KCNMA1: variants seen among roughly 807,000 people sequenced by gnomAD.
KCNMA1 encodes Calcium-activated potassium channel subunit alpha-1.
A neutral mutation model predicts 140.0 loss-of-function variants in KCNMA1; 29 were observed. The observed-to-expected ratio is 0.21, with a 90% CI of 0.15 to 0.28. The LOEUF (loss-of-function observed/expected upper bound fraction) is 0.28. Ranked by LOEUF, KCNMA1 falls within the 10% of genes least tolerant of loss-of-function variation. KCNMA1 has a pLI of 1.00. For synonymous variants in KCNMA1, 612 were observed against 611.9 expected, an observed-to-expected ratio of 1.00 and a Z score of 0.00; for missense variants, 880 against 1,602.2, an observed-to-expected ratio of 0.55 and a Z score of 7.70.
intron 22 of KCNMA1, 65 bp from the exon 23 acceptor site, chr10:76,945,030 A>G: frequency 3.1e-6 from 4 of 1,271,066 alleles, no homozygotes; most frequent in Non-Finnish European, 3.4e-6. Flanking sequence ...AGAGAGAGAG[A>G]GGAGCAAAAG....
chr10:77,439,087 A>AAAGAGAAGAGAAGAG (rs55994326), intron 1 of KCNMA1, among the ~76,000 whole-genome samples: 5,357 of 124,854 alleles, frequency 0.043, 196 homozygotes, highest in East Asian at 0.062. Flanking sequence ...AAAGAAAAGA[A>AAAGAGAAGAGAAGAG]AAGAGAAGAG....
Position 77,419,292 on chromosome 10 carries a change from T to C in KCNMA1, c.379-15269A>G, listed in dbSNP as rs142596558. On this transcript the variant is annotated intron_variant, in intron 1 of 27. Coordinates refer to ENST00000286628, the MANE Select transcript of KCNMA1 (RefSeq NM_001161352.2). ...GCCAGAGCGCTGCAGGCATCAACTTTGCTGGCGTCTTGGAAAGACGCCCCA... is the reference window on the plus strand; with the variant it reads ...GCCAGAGCGCTGCAGGCATCAACTTCGCTGGCGTCTTGGAAAGACGCCCCA... Among the ~76,000 whole-genome samples the C allele has an allele frequency of 4.6e-3, 699 of 152,310 alleles. 3 individuals carry two copies. Among genetic ancestry groups the C allele is most frequent in the Non-Finnish European group, 5.7e-3 (389 of 68,016 alleles).
chr10:77,600,949 AAC>A (rs1278679600), intron 1 of KCNMA1, among the ~76,000 whole-genome samples: 1 of 152,172 alleles, frequency 6.6e-6, no homozygotes, highest in Non-Finnish European at 1.5e-5. Flanking sequence ...CAAACTGCCT[AAC>A]ACAGTGACAG....
At chr10:76,916,516 G>T (rs1193251820) in intron 23 of KCNMA1, among the ~76,000 whole-genome samples, 1 of 152,176 alleles carries the variant, frequency 6.6e-6, no homozygotes, top group Non-Finnish European at 1.5e-5. Context: ...CCACGCAAGT[G>T]GCAAGACCCA....
At chr10:77,600,209 T>G (rs1030156987) in intron 1 of KCNMA1, among the ~76,000 whole-genome samples, 1 of 152,114 alleles carries the variant, frequency 6.6e-6, no homozygotes, top group East Asian at 1.9e-4. Flanking sequence ...CTACCAAAGA[T>G]GAGAATGTCC....
At chr10:77,543,035 CTCTCTCTTTCTCTCTCTCTCATT>C (rs1233399551) in intron 1 of KCNMA1, among the ~76,000 whole-genome samples, 2 of 144,102 alleles carry the variant, frequency 1.4e-5, no homozygotes, top group East Asian at 3.9e-4. Context: ...CTCTCATTCT[CTCTCTCTTTCTCTCTCTCTCATT>C]CTCTCTCTCT....
intron 23 of KCNMA1, among the ~76,000 whole-genome samples, chr10:76,920,020 GTATATATATATATATA>G (rs1169838049): frequency 2.9e-5 from 1 of 34,432 alleles, no homozygotes; most frequent in African/African-American, 1.1e-4. Flanking sequence ...GTGTGTGTGT[GTATATATATATATATA>G]TATATATATA....
intron 6 of KCNMA1, among the ~76,000 whole-genome samples, chr10:77,114,285 C>T (rs890091462): frequency 6.6e-6 from 1 of 152,170 alleles, no homozygotes; most frequent in African/African-American, 2.4e-5. Flanking sequence ...TCCAGGAGCC[C>T]TGGGTCCCTG....
At chr10:77,603,037 A>G (rs1378740913) in intron 1 of KCNMA1, among the ~76,000 whole-genome samples, 2 of 152,152 alleles carry the variant, frequency 1.3e-5, no homozygotes, top group African/African-American at 2.4e-5. Flanking sequence ...ACCATCGTCT[A>G]TGTTCCTCTG....
chr10:77,136,838 C>G (rs893613871), intron 5 of KCNMA1, among the ~76,000 whole-genome samples: 1 of 152,058 alleles, frequency 6.6e-6, no homozygotes, highest in African/African-American at 2.4e-5. Context: ...AAGTCAGTGG[C>G]AAGTCAGGAC....
chr10:77,039,472 AG>A (rs1376349613), intron 15 of KCNMA1, 55 bp downstream of exon 15: 1 of 1,021,184 alleles, frequency 9.8e-7, no homozygotes, highest in Non-Finnish European at 1.6e-6. Flanking sequence ...CTTCCTTGCA[AG>A]GGGCACATTC....
At chr10:77,298,983 G>A (rs1004590763) in intron 2 of KCNMA1, among the ~76,000 whole-genome samples, 1 of 152,222 alleles carries the variant, frequency 6.6e-6, no homozygotes, top group African/African-American at 2.4e-5. Flanking sequence ...TAATAAATAT[G>A]TCTTTTGAAC....
At chr10:77,593,053 T>C (rs1167965095) in intron 1 of KCNMA1, among the ~76,000 whole-genome samples, 4 of 152,232 alleles carry the variant, frequency 2.6e-5, no homozygotes, top group Non-Finnish European at 5.9e-5. Context: ...CTTCTCAGCA[T>C]GTGAGCTTCT....
chr10:76,961,146 G>A (rs1469953896), intron 20 of KCNMA1, among the ~76,000 whole-genome samples: 2 of 150,664 alleles, frequency 1.3e-5, no homozygotes, highest in Admixed American at 6.7e-5. Context: ...AAAAAGAATC[G>A]CCATTCTAGA....
chr10:77,568,599 C>T lies in KCNMA1; in HGVS notation c.378+68666G>A, dbSNP rs1266239152. Among the ~76,000 whole-genome samples, 273 of 151,162 alleles carry T rather than the reference C, an allele frequency of 1.8e-3. 2 individuals carry two copies. The South Asian group carries it at 0.026, about 14-fold the overall frequency. On this transcript the variant is annotated intron_variant, in intron 1 of 27. Coordinates refer to ENST00000286628, the MANE Select transcript of KCNMA1 (RefSeq NM_001161352.2). ...GGGACGTATCTCAAAATAATAAGAG[C>T]TATCTATGACAAACCCACAGCCAAT...
intron 1 of KCNMA1, among the ~76,000 whole-genome samples, chr10:77,553,693 G>A (rs1284139561): frequency 6.6e-6 from 1 of 152,242 alleles, no homozygotes; most frequent in Non-Finnish European, 1.5e-5. Context: ...TCAGGGACTA[G>A]AGGGTCCTGC....
intron 1 of KCNMA1, among the ~76,000 whole-genome samples, chr10:77,631,590 G>A (rs1441030140): frequency 2.0e-5 from 3 of 152,164 alleles, no homozygotes; most frequent in South Asian, 2.1e-4. Context: ...CATTGCAATC[G>A]AATGCCAATG....
chr10:77,088,660 C>A (rs922510203), intron 10 of KCNMA1, among the ~76,000 whole-genome samples: 1 of 152,058 alleles, frequency 6.6e-6, no homozygotes, highest in Non-Finnish European at 1.5e-5. Context: ...AACTCCTGAG[C>A]TCAAGTGATC....
intron 1 of KCNMA1, among the ~76,000 whole-genome samples, chr10:77,481,779 A>G (rs2098400904): frequency 6.7e-6 from 1 of 148,828 alleles, no homozygotes; most frequent in Non-Finnish European, 1.5e-5. Context: ...TGTCTCAAAA[A>G]AAAAAAAAAA....
Sources: gnomAD v4.1 joint callset for allele counts (sites outside exome capture counted in the v4.1 genomes callset) on GRCh38, gnomAD v4.1.1 for gene constraint, MANE v1.5 for transcripts, NCBI Gene and HGNC (gene_info 2026-07-23, HGNC 2026-07-21) for gene names.